BOLL: variants seen among roughly 807,000 people sequenced by gnomAD.
The protein encoded by BOLL is boule RNA binding protein, also known as protein boule-like.
BOLL carries 23 observed loss-of-function variants against 44.4 expected under a neutral mutation model. The ratio of observed to expected loss-of-function variants is 0.52; its 90% CI spans 0.37 to 0.73. BOLL has a LOEUF of 0.73. BOLL is among the 30% of genes least tolerant of loss of function. The pLI, the probability that BOLL is intolerant of heterozygous loss-of-function variation, is 0.00. For synonymous variants in BOLL, 97 were observed against 110.8 expected, an observed-to-expected ratio of 0.88 and a Z score of 0.78; for missense variants, 287 against 338.3, an observed-to-expected ratio of 0.85 and a Z score of 1.19.
chr2:197,729,326 T>A (rs1301074319), intron 10 of BOLL, among the ~76,000 whole-genome samples: 1 of 151,332 alleles, frequency 6.6e-6, no homozygotes, highest in Non-Finnish European at 1.5e-5. Context: ...GCCCACGGAG[T>A]CTCGCTGATT....
At chr2:197,759,147 A>G (rs566124025) in intron 7 of BOLL, 6 of 703,446 alleles carry the variant, frequency 8.5e-6, no homozygotes, top group East Asian at 2.7e-5. Flanking sequence ...AGGAGCATCA[A>G]AAGGAGAGTG....
Position 197,785,176 on chromosome 2 carries a change from G to C in BOLL, c.-136C>G, listed in dbSNP as rs1364299257. ...TCGGGTCATCGTGAACTTGGGCACCGAAACGAGGATCCACCCCCTCCCCAC... is the reference window on the plus strand; with the variant it reads ...TCGGGTCATCGTGAACTTGGGCACCCAAACGAGGATCCACCCCCTCCCCAC... On this transcript the variant is annotated 5_prime_UTR_variant, in exon 1 of 11. Coordinates refer to ENST00000392296, the MANE Select transcript of BOLL (RefSeq NM_033030.6). This position sits in a 1 kb window ranked among gnomAD's most constrained non-coding sequence, Gnocchi z 6.7. 3.0e-6 allele frequency: 3 copies of C among 985,812 alleles called. No homozygotes were observed. Among genetic ancestry groups the C allele is most frequent in the Non-Finnish European group, 3.6e-6 (3 of 829,934 alleles). The allele number at this position is 985,812 out of a possible 1,614,324, so 61.1% of individuals were successfully genotyped here.
intron 10 of BOLL, among the ~76,000 whole-genome samples, chr2:197,734,289 C>T (rs908704743): frequency 1.9e-4 from 29 of 151,788 alleles, no homozygotes; most frequent in African/African-American, 4.6e-4. Context: ...GTTAGAATGG[C>T]GATCATTAAA....
At chr2:197,729,464 C>A (rs923278685) in intron 10 of BOLL, among the ~76,000 whole-genome samples, 1 of 152,184 alleles carries the variant, frequency 6.6e-6, no homozygotes, top group Non-Finnish European at 1.5e-5. Context: ...GAGCCCAGCA[C>A]AGCTCAAGGA....
At chr2:197,754,733 A>C (rs1396379886) in intron 9 of BOLL, among the ~76,000 whole-genome samples, 1 of 139,290 alleles carries the variant, frequency 7.2e-6, no homozygotes, top group Admixed American at 7.5e-5. Context: ...AACAAAAAAC[A>C]AACAAAAAAA....
At chr2:197,742,421 CCAA>C (rs1470451850) in intron 10 of BOLL, among the ~76,000 whole-genome samples, 1 of 152,132 alleles carries the variant, frequency 6.6e-6, no homozygotes, top group Non-Finnish European at 1.5e-5. Flanking sequence ...ACCCAAATGT[CCAA>C]CAACGATAGA....
At position 197,743,175 on chromosome 2, in the gene BOLL, A is replaced by G. The variant is rs780425498; in HGVS notation, c.730-16T>C. On this transcript the variant is annotated splice_polypyrimidine_tract_variant and intron_variant, in intron 9 of 10. Transcript: ENST00000392296. ...CAGAATAAGGCTATTACAAAAAAAG[A>G]GAGAAAAAATGTCACCTTTCATCTA... The G allele has an allele frequency of 6.5e-7, 1 of 1,545,434 alleles. No homozygotes were observed. The highest frequency in any genetic ancestry group is 8.8e-7 in the Non-Finnish European group (1 of 1,140,604).
chr2:197,729,116 G>C (rs892038329), intron 10 of BOLL, among the ~76,000 whole-genome samples: 4 of 152,252 alleles, frequency 2.6e-5, no homozygotes, highest in African/African-American at 7.2e-5. Flanking sequence ...CAGTGGGTGC[G>C]TGCACCGTGC....
intron 4 of BOLL, among the ~76,000 whole-genome samples, chr2:197,776,369 C>A (rs1465933516): frequency 6.6e-6 from 1 of 151,778 alleles, no homozygotes; most frequent in Non-Finnish European, 1.5e-5. Flanking sequence ...GTTAATGAAC[C>A]AGTAATCTGT....
chr2:197,764,125 A>C (rs1273924252), intron 7 of BOLL, among the ~76,000 whole-genome samples: 1 of 152,216 alleles, frequency 6.6e-6, no homozygotes, highest in African/African-American at 2.4e-5. Context: ...GGAAAACAGT[A>C]TGGAGATCCC....
In BOLL at chr2:197,743,153, A is replaced by G. The variant is rs751679778; in HGVS notation, c.736T>C (p.Ser246Pro). Residue 246 changes from serine to proline, a missense_variant, in exon 10 of 11, where the codon TCT (serine) becomes CCT (proline). Ser to Pro is a moderately conservative substitution (Grantham distance 74). Coordinates refer to ENST00000392296, the MANE Select transcript of BOLL (RefSeq NM_033030.6). ...TATGTTGCTTGAACTCCATGATCAGAATAAGGCTATTACAAAAAAAGAGAG... is the reference window on the plus strand; with the variant it reads ...TATGTTGCTTGAACTCCATGATCAGGATAAGGCTATTACAAAAAAAGAGAG... ...LMETSVPEPY[S>P]DHGVQATYHQ... is the part of the protein sequence containing the mutation. The G allele has an allele frequency of 1.3e-6, 2 of 1,586,876 alleles. No individual in the cohort carries two copies. Among genetic ancestry groups the G allele is most frequent in the East Asian group, 2.3e-5 (1 of 43,954 alleles).
chr2:197,785,497 G>C, upstream of BOLL: 4 of 604,794 alleles, frequency 6.6e-6, no homozygotes, highest in Non-Finnish European at 8.5e-6. This position sits in a 1 kb window ranked among gnomAD's most constrained non-coding sequence, Gnocchi z 6.7. Context: ...GTCCCGCCTG[G>C]GCCACAGGCG....
At chr2:197,729,902 G>A (rs1330732175) in intron 10 of BOLL, among the ~76,000 whole-genome samples, 1 of 152,136 alleles carries the variant, frequency 6.6e-6, no homozygotes, top group Non-Finnish European at 1.5e-5. Context: ...AAAAAGCAGA[G>A]TGTCTCTCCT....
chr2:197,734,161 C>T (rs1442743667), intron 10 of BOLL, among the ~76,000 whole-genome samples: 1 of 151,362 alleles, frequency 6.6e-6, no homozygotes, highest in Admixed American at 6.6e-5. Context: ...AGGATATGAA[C>T]AGACACTTCT....
In BOLL at chr2:197,728,574, ACTGT is replaced by A; in HGVS notation, c.829_832del (p.Thr277CysfsTer36). 1.2e-5 allele frequency: 20 copies of A among 1,603,190 alleles called. No individual in the cohort carries two copies. Among genetic ancestry groups the A allele is most frequent in the South Asian group, 5.5e-5 (5 of 90,476 alleles). The stretch of plus-strand genomic sequence containing the variant: ...ATTGTCTTAATAATGAATGCTCCAC[ACTGT>A]CTGTTAAGTAAAGAGAAAATATAGA... On this transcript the variant is annotated frameshift_variant and splice_region_variant, in exon 11 of 11. Transcript: ENST00000392296. LOFTEE classifies it high-confidence loss of function.
intron 7 of BOLL, among the ~76,000 whole-genome samples, chr2:197,761,257 G>A (rs1366162638): frequency 1.3e-5 from 2 of 152,144 alleles, no homozygotes; most frequent in Admixed American, 6.6e-5. Context: ...ACTGCAGTGA[G>A]CTATGATCAT....
intron 9 of BOLL, among the ~76,000 whole-genome samples, chr2:197,747,315 G>A (rs762022348): frequency 2.0e-5 from 3 of 152,042 alleles, no homozygotes; most frequent in Admixed American, 6.6e-5. Flanking sequence ...CAGGCGCAGT[G>A]GCTCACGCCT....
At chr2:197,750,155 T>A (rs1688169006) in intron 9 of BOLL, among the ~76,000 whole-genome samples, 2 of 151,986 alleles carry the variant, frequency 1.3e-5, no homozygotes, top group African/African-American at 4.8e-5. Flanking sequence ...AAGTACTAAA[T>A]ATGGAAAGGA....
At chr2:197,738,174 T>C (rs1687579553) in intron 10 of BOLL, among the ~76,000 whole-genome samples, 1 of 152,204 alleles carries the variant, frequency 6.6e-6, no homozygotes, top group African/African-American at 2.4e-5. Flanking sequence ...TGTTCCTTCC[T>C]AGTCTAGTTC....
Sources: allele counts gnomAD v4.1 joint callset (sites outside exome capture counted in the v4.1 genomes callset), GRCh38; gene constraint gnomAD v4.1.1; non-coding constraint Gnocchi (gnomAD v3.1); transcripts MANE v1.5; gene names NCBI Gene and HGNC (gene_info 2026-07-23, HGNC 2026-07-21).